The following ICE2 variants were observed in gnomAD, a reference collection of about 807,000 sequenced individuals.
The protein encoded by ICE2 is little elongation complex subunit 2.
ICE2 carries 87 observed loss-of-function variants against 105.4 expected under a neutral mutation model. The ratio of observed to expected loss-of-function variants is 0.83; its 90% CI spans 0.69 to 0.99. The LOEUF (loss-of-function observed/expected upper bound fraction) is 0.99. Ranked by LOEUF, ICE2 falls within the 50% of genes least tolerant of loss-of-function variation. ICE2 has a pLI of 0.00. For missense variants in ICE2, 1,323 were observed against 1,146.7 expected, an observed-to-expected ratio of 1.15 and a Z score of -2.22; for synonymous variants, 399 against 392.0, an observed-to-expected ratio of 1.02 and a Z score of -0.21.
Position 60,447,960 on chromosome 15 carries a change from A to G in ICE2, c.2295+10T>C, listed in dbSNP as rs766183342. The G allele has an allele frequency of 6.2e-7, 1 of 1,601,962 alleles. No individual in the cohort carries two copies. Among genetic ancestry groups the G allele is most frequent in the Non-Finnish European group, 8.5e-7 (1 of 1,174,216 alleles). ...GTGATCATATTCTAACTCCGCAAAT[A>G]ACAACTTACTCTTCTGATTTTCTTC... On this transcript the variant is annotated intron_variant, in intron 11 of 15. Coordinates refer to ENST00000261520, the MANE Select transcript of ICE2 (RefSeq NM_024611.6).
At chr15:60,434,027 A>T (rs2063522773) in intron 13 of ICE2, among the ~76,000 whole-genome samples, 2 of 152,142 alleles carry the variant, frequency 1.3e-5, no homozygotes, top group Admixed American at 1.3e-4. Flanking sequence ...TAGAAGTCAG[A>T]ACCATTTCTT....
chr15:60,467,129 T>C (rs552974394), intron 4 of ICE2, among the ~76,000 whole-genome samples: 1 of 152,240 alleles, frequency 6.6e-6, no homozygotes, highest in South Asian at 2.1e-4. Flanking sequence ...ACCTGGCTAA[T>C]TTTTTGTATT....
chr15:60,429,551 T>G (rs935779605), intron 14 of ICE2, among the ~76,000 whole-genome samples: 1 of 152,226 alleles, frequency 6.6e-6, no homozygotes, highest in Non-Finnish European at 1.5e-5. Context: ...TGAATAAATA[T>G]ATTGTGCTTT....
At chr15:60,441,048 TTC>T (rs1165328400) in intron 12 of ICE2, 3 of 152,148 alleles carry the variant, frequency 2.0e-5, no homozygotes, top group East Asian at 1.9e-4. Flanking sequence ...TGAATCTCCA[TTC>T]TCTGTCAGTA....
chr15:60,430,957 T>G (rs796327302), intron 14 of ICE2, among the ~76,000 whole-genome samples: 10 of 152,032 alleles, frequency 6.6e-5, no homozygotes, highest in African/African-American at 2.4e-4. Flanking sequence ...TTGCAATCTC[T>G]GCCTCCCGGG....
At chr15:60,456,608 C>CACAT in intron 6 of ICE2, 49 bp downstream of exon 6, 1 of 965,526 alleles carries the variant, frequency 1.0e-6, no homozygotes, top group Non-Finnish European at 1.5e-6. Flanking sequence ...CACACACACA[C>CACAT]ACTATTTCAG....
chr15:60,461,672 T>G (rs1018416713), intron 5 of ICE2, among the ~76,000 whole-genome samples: 9 of 152,178 alleles, frequency 5.9e-5, no homozygotes, highest in African/African-American at 2.2e-4. Flanking sequence ...GTGAGTGTAA[T>G]GTGGGATAAA....
At chr15:60,431,856 G>C in intron 14 of ICE2, 78 bp downstream of exon 14, 1 of 786,488 alleles carries the variant, frequency 1.3e-6, no homozygotes, top group Non-Finnish European at 2.1e-6. Flanking sequence ...ATTCCTAACA[G>C]TACATTTTCA....
chr15:60,462,333 G>C (rs1383644457), intron 5 of ICE2, among the ~76,000 whole-genome samples: 3 of 152,038 alleles, frequency 2.0e-5, no homozygotes, highest in Non-Finnish European at 2.9e-5. Flanking sequence ...AAATTCAAGA[G>C]ATCAATTATA....
At chr15:60,431,847 T>G (rs541637422) in intron 14 of ICE2, 87 bp downstream of exon 14, 4 of 726,410 alleles carry the variant, frequency 5.5e-6, no homozygotes, top group Middle Eastern at 2.8e-4. Context: ...TTTGTCTCTA[T>G]TCCTAACAGT....
intron 12 of ICE2, chr15:60,438,990 G>A (rs903296766): frequency 1.3e-5 from 2 of 152,118 alleles, no homozygotes; most frequent in African/African-American, 4.8e-5. Context: ...TAAAAATAAA[G>A]CTTTTATATA....
chr15:60,456,735 G>C lies in ICE2; in HGVS notation c.588C>G (p.His196Gln). 6.3e-7 allele frequency: 1 copy of C among 1,585,794 alleles called. No homozygotes were observed. Among genetic ancestry groups the C allele is most frequent in the African/African-American group, 1.4e-5 (1 of 73,324 alleles). ...AGAATCCCATTAAGCTGGTGACCTCGTGGAGAGTATAGAATTCTGAATACT... is the reference window on the plus strand; with the variant it reads ...AGAATCCCATTAAGCTGGTGACCTCCTGGAGAGTATAGAATTCTGAATACT... ...VKKYSEFYTLHEVTSLMGFFP... is the reference protein window; with the variant it reads ...VKKYSEFYTLQEVTSLMGFFP... The change falls in exon 6 of 16, where the codon CAC becomes CAG. Residue 196 changes from histidine to glutamine, a missense_variant. His to Gln is a conservative substitution (Grantham distance 24). Transcript: ENST00000261520.
intron 15 of ICE2, 33 bp downstream of exon 15, chr15:60,428,396 C>A: frequency 6.3e-7 from 1 of 1,598,760 alleles, no homozygotes; most frequent in Non-Finnish European, 8.5e-7. Context: ...AATAAACAAC[C>A]TAATGAACCT....
chr15:60,460,302 G>A (rs2064238957), intron 5 of ICE2, among the ~76,000 whole-genome samples: 1 of 152,204 alleles, frequency 6.6e-6, no homozygotes, highest in South Asian at 2.1e-4. Context: ...TTCGAGGCCA[G>A]CCTGGCCAAC....
chr15:60,437,490 C>A (rs2063622328), intron 12 of ICE2, among the ~76,000 whole-genome samples: 1 of 151,458 alleles, frequency 6.6e-6, no homozygotes, highest in African/African-American at 2.4e-5. Context: ...CACCACCAGG[C>A]CTGGCTAATT....
At chr15:60,466,573 A>G in intron 5 of ICE2, 21 bp downstream of exon 5, 1 of 1,607,952 alleles carries the variant, frequency 6.2e-7, no homozygotes, top group East Asian at 2.2e-5. Context: ...CAATTTACAC[A>G]AATGTGAGTT....
intron 14 of ICE2, among the ~76,000 whole-genome samples, chr15:60,431,698 G>A (rs568657483): frequency 5.9e-5 from 9 of 152,240 alleles, no homozygotes; most frequent in African/African-American, 1.7e-4. Context: ...TGTTACAGCT[G>A]CAATAGAAAA....
At chr15:60,458,496 T>C (rs1035710019) in intron 5 of ICE2, among the ~76,000 whole-genome samples, 1 of 152,060 alleles carries the variant, frequency 6.6e-6, no homozygotes, top group Non-Finnish European at 1.5e-5. Flanking sequence ...GAGGAGAAAC[T>C]AGAGCAGTGA....
chr15:60,444,117 G>A (rs2063774831), intron 11 of ICE2, among the ~76,000 whole-genome samples: 1 of 151,974 alleles, frequency 6.6e-6, no homozygotes, highest in African/African-American at 2.4e-5. Flanking sequence ...AAAAAAGAAT[G>A]AATGAAATTT....
Sources: gnomAD v4.1 joint callset for allele counts (sites outside exome capture counted in the v4.1 genomes callset) on GRCh38, gnomAD v4.1.1 for gene constraint, MANE v1.5 for transcripts, NCBI Gene and HGNC (gene_info 2026-07-23, HGNC 2026-07-21) for gene names.